PLD5: variants seen among roughly 807,000 people sequenced by gnomAD.
The protein encoded by PLD5 is inactive phospholipase D5.
PLD5 carries 36 observed loss-of-function variants against 61.1 expected under a neutral mutation model. The observed-to-expected ratio is 0.59, with a 90% CI of 0.45 to 0.78. The LOEUF is 0.78. PLD5 is among the 30% of genes least tolerant of loss of function. PLD5 has a pLI of 0.00. For missense variants in PLD5, 515 were observed against 644.4 expected (o/e 0.80, Z 2.17); for synonymous variants, 243 against 242.8 (o/e 1.00, Z -0.01).
intron 5 of PLD5, among the ~76,000 whole-genome samples, chr1:242,186,100 AAT>A (rs1667858103): frequency 6.6e-6 from 1 of 152,104 alleles, no homozygotes; most frequent in African/African-American, 2.4e-5. Context: ...ATTCAATTTT[AAT>A]ATATTGGTTG....
intron 1 of PLD5, among the ~76,000 whole-genome samples, chr1:242,418,108 A>G (rs1203479031): frequency 6.6e-6 from 1 of 152,164 alleles, no homozygotes; most frequent in Non-Finnish European, 1.5e-5. Context: ...AAGAGGTGAA[A>G]AATGGCCAGA....
At chr1:242,263,652 G>A (rs866148536) in intron 4 of PLD5, among the ~76,000 whole-genome samples, 30 of 152,100 alleles carry the variant, frequency 2.0e-4, no homozygotes, top group Non-Finnish European at 3.4e-4. Flanking sequence ...ATTTGTTTTC[G>A]TGTTTTGATA....
At chr1:242,284,902 C>T (rs1674931850) in intron 3 of PLD5, among the ~76,000 whole-genome samples, 1 of 152,268 alleles carries the variant, frequency 6.6e-6, no homozygotes, top group African/African-American at 2.4e-5. Context: ...AGATCTCCCC[C>T]TTGTAAAGAG....
chr1:242,092,475 C>T (rs1659912210), intron 9 of PLD5, among the ~76,000 whole-genome samples: 2 of 152,122 alleles, frequency 1.3e-5, no homozygotes, highest in African/African-American at 4.8e-5. Flanking sequence ...AATATTTAGC[C>T]ATGTCAAGGT....
chr1:242,175,243 C>T (rs968387801), intron 5 of PLD5, among the ~76,000 whole-genome samples: 4 of 152,106 alleles, frequency 2.6e-5, no homozygotes, highest in Non-Finnish European at 4.4e-5. Flanking sequence ...TATGAAAAAG[C>T]GTATCCACCA....
At chr1:242,198,701 CAAAAAA>C (rs10603005) in intron 5 of PLD5, among the ~76,000 whole-genome samples, 38 of 51,570 alleles carry the variant, frequency 7.4e-4, no homozygotes, top group Admixed American at 1.2e-3. Flanking sequence ...AAGTCCTTAG[CAAAAAA>C]AAAAAAAAAA....
At chr1:242,478,057 G>C (rs978094349) in intron 1 of PLD5, among the ~76,000 whole-genome samples, 25 of 152,184 alleles carry the variant, frequency 1.6e-4, no homozygotes, top group Admixed American at 4.6e-4. Flanking sequence ...CTCTCCTTCA[G>C]AATATGTTCT....
intron 1 of PLD5, among the ~76,000 whole-genome samples, chr1:242,433,432 C>A (rs1237256645): frequency 6.6e-6 from 1 of 152,184 alleles, no homozygotes; most frequent in Non-Finnish European, 1.5e-5. Context: ...TTTGTGCTGG[C>A]TCCCTTTTTA....
intron 5 of PLD5, among the ~76,000 whole-genome samples, chr1:242,216,364 G>A (rs777560895): frequency 4.6e-5 from 7 of 152,144 alleles, no homozygotes; most frequent in African/African-American, 7.2e-5. Context: ...AGGCTGGAAG[G>A]TTTTGCAAAA....
rs190857078 is a variant in PLD5 at position 242,421,944 on chromosome 1, C to T, written c.190-73702G>A. The stretch of plus-strand genomic sequence containing the variant: ...CCATGTTTTCCTAAAGCAGGGCATG[C>T]GCCATCTTGATTTTAAAAGCAAAAT... On this transcript the variant is annotated intron_variant, in intron 1 of 9. Transcript: ENST00000536534. Among the ~76,000 whole-genome samples the T allele has an allele frequency of 1.8e-3, 279 of 152,214 alleles. 1 individual carries two copies. The highest frequency in any genetic ancestry group is 6.1e-3 in the African/African-American group (253 of 41,538).
chr1:242,498,018 G>A (rs866628700), intron 1 of PLD5, among the ~76,000 whole-genome samples: 2 of 152,258 alleles, frequency 1.3e-5, no homozygotes, highest in Middle Eastern at 3.4e-3. Context: ...AGGCTGGAGT[G>A]CAATGATGCG....
intron 1 of PLD5, among the ~76,000 whole-genome samples, chr1:242,372,105 C>T (rs550965473): frequency 6.6e-6 from 1 of 152,262 alleles, no homozygotes; most frequent in Non-Finnish European, 1.5e-5. Context: ...TGTAGAGGAC[C>T]TTACATCACT....
intron 1 of PLD5, among the ~76,000 whole-genome samples, chr1:242,400,066 C>T (rs931412331): frequency 8.6e-5 from 13 of 151,772 alleles, no homozygotes; most frequent in African/African-American, 2.9e-4. Context: ...TACTTGGCAG[C>T]GTGAGGCAGG....
chr1:242,196,939 T>C lies in PLD5; in HGVS notation c.735+23049A>G, dbSNP rs113409173. Among the ~76,000 whole-genome samples, 792 of 152,292 alleles carry C rather than the reference T, an allele frequency of 5.2e-3. 10 individuals carry two copies. The highest frequency in any genetic ancestry group is 0.016 in the South Asian group (78 of 4,818). ...ATGTATACCCCTTCAAGTATTATTATTATTTTTTAGAGACAGGGACTCACA... is the reference window on the plus strand; with the variant it reads ...ATGTATACCCCTTCAAGTATTATTACTATTTTTTAGAGACAGGGACTCACA... On this transcript the variant is annotated intron_variant, in intron 5 of 9. Coordinates refer to ENST00000536534, the MANE Select transcript of PLD5 (RefSeq NM_001372062.1).
chr1:242,221,857 G>C (rs1453184423), intron 4 of PLD5, among the ~76,000 whole-genome samples: 2 of 152,190 alleles, frequency 1.3e-5, no homozygotes, highest in East Asian at 1.9e-4. Flanking sequence ...TAGATAAACA[G>C]AGCATTTGTC....
At chr1:242,359,315 A>G (rs1255162326) in intron 1 of PLD5, among the ~76,000 whole-genome samples, 1 of 152,078 alleles carries the variant, frequency 6.6e-6, no homozygotes, top group African/African-American at 2.4e-5. Flanking sequence ...GACTGTAGAA[A>G]CCATGAGCCC....
In PLD5 at chr1:242,447,299, G is replaced by A. The variant is rs980819628; in HGVS notation, c.189+76789C>T. Among the ~76,000 whole-genome samples the A allele has an allele frequency of 5.3e-5, 8 of 152,342 alleles. No individual in the cohort carries two copies. The East Asian group carries it at 1.5e-3, about 29-fold the overall frequency. ...ATCTAGCAAGTTCTGACACGCTCCT[G>A]ACTCTAATGAGGTCAAGGAGAGTGT... is the stretch of plus-strand genomic sequence containing the variant. On this transcript the variant is annotated intron_variant, in intron 1 of 9. Coordinates refer to ENST00000536534, the MANE Select transcript of PLD5 (RefSeq NM_001372062.1).
intron 3 of PLD5, among the ~76,000 whole-genome samples, chr1:242,275,683 G>A (rs1674373988): frequency 6.6e-6 from 1 of 152,182 alleles, no homozygotes; most frequent in African/African-American, 2.4e-5. Context: ...CAAGGGAAAA[G>A]CATAGCATGG....
intron 1 of PLD5, among the ~76,000 whole-genome samples, chr1:242,520,367 G>A (rs192796434): frequency 3.9e-5 from 6 of 152,252 alleles, no homozygotes; most frequent in Non-Finnish European, 7.4e-5. Flanking sequence ...GAGAATGTTC[G>A]TTCCTGCACT....
Sources: allele counts gnomAD v4.1 joint callset (sites outside exome capture counted in the v4.1 genomes callset), GRCh38; gene constraint gnomAD v4.1.1; transcripts MANE v1.5; gene names NCBI Gene and HGNC (gene_info 2026-07-23, HGNC 2026-07-21).